ECD: variants seen among roughly 807,000 people sequenced by gnomAD.
ECD encodes ecdysoneless cell cycle regulator, also known as protein ecdysoneless homolog.
Under a neutral mutation model 77.2 loss-of-function variants are expected in ECD, and 59 were observed. The ratio of observed to expected loss-of-function variants is 0.76; its 90% CI spans 0.62 to 0.95. The LOEUF (loss-of-function observed/expected upper bound fraction) is 0.95, where lower values mean the gene tolerates loss of function less well. ECD is among the 40% of genes least tolerant of loss of function. The pLI, the probability that ECD is intolerant of heterozygous loss-of-function variation, is 0.00. For missense variants in ECD, 704 were observed against 763.4 expected (o/e 0.92, Z 0.92); for synonymous variants, 233 against 267.4 (o/e 0.87, Z 1.26).
intron 9 of ECD, 60 bp downstream of exon 9, chr10:73,146,209 TAAATAAA>T (rs1390551674): frequency 3.9e-6 from 3 of 764,598 alleles, no homozygotes; most frequent in Non-Finnish European, 5.5e-6. Context: ...TAATAAATAA[TAAATAAA>T]AAATAAAAAG....
In ECD at chr10:73,134,618, C is replaced by A. The variant is rs754498552; in HGVS notation, c.1900G>T (p.Asp634Tyr). 3 of 1,614,006 alleles carry A rather than the reference C, an allele frequency of 1.9e-6. No individual in the cohort carries two copies. The highest frequency in any genetic ancestry group is 1.7e-6 in the Non-Finnish European group (2 of 1,180,004). ...GTTGGCTTACTTGTTGGTCTGTGAT[C>A]GGTGTTGTCAGGCAGCTGCACTCCC... is the stretch of plus-strand genomic sequence containing the variant. ...SMGVQLPDNTDHRPTSKPTKN is the reference protein window; with the variant it reads ...SMGVQLPDNTYHRPTSKPTKN The change falls in exon 14 of 14, where the codon GAT becomes TAT. Residue 634 changes from aspartate to tyrosine, a missense_variant. Asp to Tyr is a radical substitution (Grantham distance 160). Transcript: ENST00000372979.
intron 7 of ECD, among the ~76,000 whole-genome samples, chr10:73,149,824 A>C (rs7072168): frequency 6.6e-6 from 1 of 152,060 alleles, no homozygotes; most frequent in African/African-American, 2.4e-5. Flanking sequence ...ATGTCTGAGA[A>C]TGTTTTTCTG....
chr10:73,140,053 C>T (rs1420808665), intron 9 of ECD, among the ~76,000 whole-genome samples: 3 of 151,842 alleles, frequency 2.0e-5, no homozygotes, highest in African/African-American at 7.3e-5. Flanking sequence ...GGCGCGACCT[C>T]GGCTCACCAC....
At chr10:73,152,213 A>C (rs1195479205) in intron 7 of ECD, 80 bp downstream of exon 7, 10 of 1,515,840 alleles carry the variant, frequency 6.6e-6, no homozygotes, top group Non-Finnish European at 8.1e-6. Context: ...GTATTTCTGG[A>C]CTTTGTATAT....
chr10:73,159,275 G>A (rs1843343244), intron 3 of ECD, among the ~76,000 whole-genome samples: 1 of 152,204 alleles, frequency 6.6e-6, no homozygotes, highest in African/African-American at 2.4e-5. Flanking sequence ...GAAAACCCAG[G>A]TCCCATTTTT....
chr10:73,141,589 C>G (rs1461627305), intron 9 of ECD: 1 of 152,270 alleles, frequency 6.6e-6, no homozygotes, highest in African/African-American at 2.4e-5. Context: ...CTCCCTGAAG[C>G]CTTCCATTAT....
At chr10:73,145,655 A>G (rs1199702567) in intron 9 of ECD, among the ~76,000 whole-genome samples, 4 of 142,758 alleles carry the variant, frequency 2.8e-5, no homozygotes, top group Admixed American at 2.1e-4. Flanking sequence ...AATATTGTGC[A>G]GCTTTTTTTT....
chr10:73,148,446 T>C, intron 7 of ECD, 42 bp from the exon 8 acceptor site: 1 of 1,600,250 alleles, frequency 6.2e-7, no homozygotes, highest in African/African-American at 1.3e-5. Flanking sequence ...AGTTCCTTTT[T>C]TCCCGTATCT....
At chr10:73,161,269 A>G (rs1261850890) in intron 2 of ECD, among the ~76,000 whole-genome samples, 2 of 152,104 alleles carry the variant, frequency 1.3e-5, no homozygotes, top group East Asian at 3.8e-4. Context: ...TAGAAAAACA[A>G]AACAGCTGAG....
intron 2 of ECD, among the ~76,000 whole-genome samples, chr10:73,163,048 G>C (rs1843401922): frequency 6.6e-6 from 1 of 152,162 alleles, no homozygotes; most frequent in Admixed American, 6.5e-5. Context: ...TGCTGCCCAG[G>C]AGTGTCTTGT....
intron 8 of ECD, among the ~76,000 whole-genome samples, chr10:73,147,429 T>A (rs548632451): frequency 2.0e-5 from 3 of 152,148 alleles, no homozygotes; most frequent in Admixed American, 2.0e-4. Context: ...GGGCCTGTAA[T>A]CCCAGTTACT....
At position 73,163,822 on chromosome 10, in the gene ECD, A is replaced by G. The variant is rs143567114; in HGVS notation, c.116T>C (p.Ile39Thr). ...TGCAAACCGAGTGATTATTCTCTCA[A>G]TGTACTTCTGAAGAATCTCTTTATG... ...DKHKEILQKY[I>T]ERIITRFAPM... is the part of the protein sequence containing the mutation. The change falls in exon 2 of 14, where the codon ATT (isoleucine) becomes ACT (threonine). Residue 39 changes from isoleucine (I) to threonine (T), a missense_variant. This residue lies in a region of ECD where 559 missense variants were observed against 583.7 expected (regional missense o/e 0.96). Coordinates refer to ENST00000372979, the MANE Select transcript of ECD (RefSeq NM_007265.3). 200 of 1,614,074 alleles carry G rather than the reference A, an allele frequency of 1.2e-4. No homozygotes were observed. The highest frequency in any genetic ancestry group is 1.6e-4 in the Non-Finnish European group (184 of 1,180,040).
Position 73,139,469 on chromosome 10 carries a change from C to A in ECD, c.1261G>T (p.Asp421Tyr). 6.2e-7 allele frequency: 1 copy of A among 1,613,936 alleles called. No individual in the cohort carries two copies. The highest frequency in any genetic ancestry group is 2.2e-5 in the East Asian group (1 of 44,882). ...TCCTGCAGCAGCTGGTCCAGCTGAT[C>A]TGGTGAGAGATCTAACCACTGGTCA... Reference protein sequence around the residue: ...DDDQWLDLSPDQLDQLLQEAV... With the variant: ...DDDQWLDLSPYQLDQLLQEAV... Residue 421 changes from aspartate to tyrosine, a missense_variant, in exon 11 of 14, where the codon GAT becomes TAT. By Grantham distance (160) the Asp-to-Tyr change is radical. Coordinates refer to ENST00000372979, the MANE Select transcript of ECD (RefSeq NM_007265.3).
chr10:73,166,931 GTT>G (rs1564670053), intron 1 of ECD, among the ~76,000 whole-genome samples: 2 of 152,132 alleles, frequency 1.3e-5, no homozygotes, highest in Non-Finnish European at 2.9e-5. Flanking sequence ...CCTTTTAGTA[GTT>G]TCATAGTTTG....
intron 1 of ECD, among the ~76,000 whole-genome samples, chr10:73,164,979 T>C (rs572966286): frequency 6.6e-6 from 1 of 152,322 alleles, no homozygotes; most frequent in East Asian, 1.9e-4. Context: ...ATGTGTAATA[T>C]ATTTCGAGAA....
intron 13 of ECD, among the ~76,000 whole-genome samples, chr10:73,135,451 G>A (rs1221047121): frequency 1.3e-5 from 2 of 152,140 alleles, no homozygotes; most frequent in African/African-American, 2.4e-5. Context: ...GGGAGTGGTC[G>A]CTCATGCCTG....
chr10:73,161,778 C>T (rs1227844689), intron 2 of ECD, among the ~76,000 whole-genome samples: 2 of 152,136 alleles, frequency 1.3e-5, no homozygotes, highest in African/African-American at 4.8e-5. Flanking sequence ...ATGCAGAAAT[C>T]CTTAACAAAA....
In ECD at chr10:73,160,449, G is replaced by A. The variant is rs773819452; in HGVS notation, c.308C>T (p.Pro103Leu). ...ACTACAATACCTTGCTACTAACTCT[G>A]GAAATTCCTTTGTGATCTGCTTTAT... ...YVIKQITKEF[P>L]ELVARIEDND... Residue 103 changes from proline (P) to leucine (L), a missense_variant, in exon 3 of 14, where the codon CCA (proline) becomes CTA (leucine). By Grantham distance (98) the Pro-to-Leu change is moderately conservative. Transcript: ENST00000372979. 3 of 1,597,764 alleles carry A rather than the reference G, an allele frequency of 1.9e-6. No homozygotes were observed. The highest frequency in any genetic ancestry group is 2.6e-6 in the Non-Finnish European group (3 of 1,174,102).
intron 9 of ECD, among the ~76,000 whole-genome samples, chr10:73,145,873 G>C (rs1393686142): frequency 2.6e-5 from 4 of 151,896 alleles, no homozygotes; most frequent in African/African-American, 9.7e-5. Context: ...TTGATCTTTT[G>C]ACCTCGTGAT....
Sources: gnomAD v4.1 joint callset for allele counts (sites outside exome capture counted in the v4.1 genomes callset) on GRCh38, gnomAD v4.1.1 for gene constraint, gnomAD v4.1.1 regional missense constraint, MANE v1.5 for transcripts, NCBI Gene and HGNC (gene_info 2026-07-23, HGNC 2026-07-21) for gene names.